COG6: variants seen among roughly 807,000 people sequenced by gnomAD.
COG6 encodes conserved oligomeric Golgi complex subunit 6.
In COG6, 74 loss-of-function variants were observed where a neutral mutation model predicts 88.8. The ratio of observed to expected loss-of-function variants is 0.83; its 90% CI spans 0.69 to 1.01. The LOEUF (loss-of-function observed/expected upper bound fraction) is 1.01. Among genes scored for constraint, COG6 ranks in the 50% least tolerant of loss-of-function variants. COG6 has a pLI of 0.00. For missense variants in COG6, 800 were observed against 797.9 expected, an observed-to-expected ratio of 1.00 and a Z score of -0.03; for synonymous variants, 286 against 278.7, an observed-to-expected ratio of 1.03 and a Z score of -0.26.
intron 13 of COG6, among the ~76,000 whole-genome samples, chr13:39,701,070 A>G (rs575986090): frequency 9.9e-5 from 15 of 152,032 alleles, no homozygotes; most frequent in Middle Eastern, 3.4e-3. Flanking sequence ...GGAAATAGGA[A>G]AATTAAAGGA....
intron 13 of COG6, among the ~76,000 whole-genome samples, chr13:39,716,819 A>G (rs1459518068): frequency 1.3e-5 from 2 of 152,208 alleles, no homozygotes; most frequent in Non-Finnish European, 1.5e-5. Flanking sequence ...AAATCTTATT[A>G]CATTGTATGC....
At chr13:39,704,207 G>A (rs371766388) in intron 13 of COG6, among the ~76,000 whole-genome samples, 130 of 152,212 alleles carry the variant, frequency 8.5e-4, no homozygotes, top group Non-Finnish European at 1.7e-3. Flanking sequence ...TAAAATGAAA[G>A]TTGCAACAAA....
chr13:39,718,108 G>A (rs545635329), intron 13 of COG6, among the ~76,000 whole-genome samples: 6 of 152,204 alleles, frequency 3.9e-5, no homozygotes, highest in African/African-American at 1.4e-4. Context: ...TTCAGAGAAT[G>A]TTTCTGTTGA....
intron 17 of COG6, 109 bp downstream of exon 17, chr13:39,724,670 T>A: frequency 1.2e-6 from 1 of 812,126 alleles, no homozygotes. Flanking sequence ...TCTCTTGACA[T>A]GCTGTATTAA....
rs1566183043 is a variant in COG6 at position 39,694,421 on chromosome 13, A to G, written c.1075-213A>G. On this transcript the variant is annotated intron_variant, in intron 11 of 18. Transcript: ENST00000455146. ...TGCCTTGAACCAAATTCTGCAAATA[A>G]TGGGTCAGATTTTTGTAGAGTATAT... 2.0e-5 allele frequency among the ~76,000 whole-genome samples: 3 copies of G among 151,890 alleles called. No homozygotes were observed. The East Asian group carries it at 5.8e-4, about 29-fold the overall frequency.
chr13:39,734,872 A>T (rs913871231), intron 18 of COG6, among the ~76,000 whole-genome samples: 1 of 151,886 alleles, frequency 6.6e-6, no homozygotes, highest in Non-Finnish European at 1.5e-5. Flanking sequence ...GTCTCTTTTT[A>T]TGTTTGCCTT....
At chr13:39,735,667 T>G (rs1879699747) in intron 18 of COG6, among the ~76,000 whole-genome samples, 1 of 152,020 alleles carries the variant, frequency 6.6e-6, no homozygotes, top group Non-Finnish European at 1.5e-5. Flanking sequence ...GAACTCTCTT[T>G]AGCATTTCTT....
Position 39,724,531 on chromosome 13 carries a change from C to G in COG6, c.1716C>G (p.Asn572Lys), listed in dbSNP as rs749009989. The change falls in exon 17 of 19, where the codon AAC (asparagine) becomes AAG (lysine). Residue 572 changes from asparagine (N) to lysine (K), a missense_variant. Physicochemically the swap from Asn to Lys is moderately conservative, Grantham distance 94. Transcript: ENST00000455146. Reference protein sequence around the residue: ...PEQGSLANMPNLDSVTLKAAM... With the variant: ...PEQGSLANMPKLDSVTLKAAM... ...AGGGCTCTTTAGCTAATATGCCCAA[C>G]CTAGATTCTGTGACACTGAAGGCTG... 2 of 1,587,782 alleles carry G rather than the reference C, an allele frequency of 1.3e-6. No individual in the cohort carries two copies. The highest frequency in any genetic ancestry group is 2.7e-5 in the African/African-American group (2 of 73,444).
chr13:39,788,319 T>C, intron 18 of COG6: 1 of 1,551,750 alleles, frequency 6.4e-7, no homozygotes, highest in Non-Finnish European at 8.7e-7. Flanking sequence ...CTTTGATTGT[T>C]GGCATTTGCT....
At chr13:39,778,588 A>T (rs1881539000) in intron 18 of COG6, among the ~76,000 whole-genome samples, 1 of 152,268 alleles carries the variant, frequency 6.6e-6, no homozygotes, top group Non-Finnish European at 1.5e-5. Flanking sequence ...TTTGCCACTT[A>T]GAAGCTGTAT....
chr13:39,783,616 C>T (rs1247191427), intron 18 of COG6, among the ~76,000 whole-genome samples: 1 of 152,100 alleles, frequency 6.6e-6, no homozygotes, highest in Non-Finnish European at 1.5e-5. Context: ...GACAATACTT[C>T]CCAGAGGCCT....
At chr13:39,784,108 A>T (rs892173013) in intron 18 of COG6, among the ~76,000 whole-genome samples, 3 of 152,170 alleles carry the variant, frequency 2.0e-5, no homozygotes, top group Non-Finnish European at 2.9e-5. Flanking sequence ...CATTTAATAC[A>T]TTAAGAAGGG....
At chr13:39,691,769 T>C (rs9548883) in intron 11 of COG6, among the ~76,000 whole-genome samples, 110,363 of 151,640 alleles carry the variant, frequency 0.73, 40,386 homozygotes, top group Admixed American at 0.82. Flanking sequence ...TAATTATTTT[T>C]TTTTGCAATT....
intron 4 of COG6, among the ~76,000 whole-genome samples, chr13:39,670,575 G>A (rs1393779632): frequency 6.6e-6 from 1 of 151,966 alleles, no homozygotes; most frequent in Non-Finnish European, 1.5e-5. Flanking sequence ...TCTATGTCAT[G>A]GGGTTTTTGA....
chr13:39,723,373 C>G lies in COG6; in HGVS notation c.1625C>G (p.Ser542Cys). Residue 542 changes from serine (S) to cysteine (C), a missense_variant, in exon 16 of 19, where the codon TCT becomes TGT. By Grantham distance (112) the Ser-to-Cys change is moderately radical. Coordinates refer to ENST00000455146, the MANE Select transcript of COG6 (RefSeq NM_020751.3). ...HLDTLINEQA[S>C]YVLTRVGLSY... is the part of the protein sequence containing the mutation. ...GACACACTTATAAATGAGCAAGCCT[C>G]TTATGTTTTAACTAGGGTAGGCTTG... 6.2e-7 allele frequency: 1 copy of G among 1,611,772 alleles called. No individual in the cohort carries two copies. Among genetic ancestry groups the G allele is most frequent in the Non-Finnish European group, 8.5e-7 (1 of 1,178,134 alleles).
Position 39,719,289 on chromosome 13 carries a change from C to T in COG6, c.1338C>T (p.Leu446=). The change falls in exon 14 of 19, where the codon CTC becomes CTT. Residue 446 remains leucine, a synonymous_variant. Transcript: ENST00000455146. ...CAAGTTCTGCACTAAATCAGACACT[C>T]ATGTTGCTGCGTGAAGTTTTAGCAT... The part of the protein sequence containing the change: ...LGPSSALNQT[L]MLLREVLASH... The T allele has an allele frequency of 1.2e-6, 2 of 1,612,836 alleles. No homozygotes were observed. The highest frequency in any genetic ancestry group is 4.5e-5 in the East Asian group (2 of 44,830).
In COG6 at chr13:39,750,184, C is replaced by T. The variant is rs1315192500; in HGVS notation, c.1827-762C>T. On this transcript the variant is annotated intron_variant, in intron 18 of 18. Transcript: ENST00000455146. ...GTTCTCATGGCCAGTACCATGAGTACCATGAGAACCATGAGTACCGTTAGT... is the reference window on the plus strand; with the variant it reads ...GTTCTCATGGCCAGTACCATGAGTATCATGAGAACCATGAGTACCGTTAGT... Among the ~76,000 whole-genome samples, 5 of 152,012 alleles carry T rather than the reference C, an allele frequency of 3.3e-5. No homozygotes were observed. The East Asian group carries it at 7.7e-4, about 23-fold the overall frequency.
chr13:39,705,709 A>G (rs1877855089), intron 13 of COG6, among the ~76,000 whole-genome samples: 1 of 152,164 alleles, frequency 6.6e-6, no homozygotes, highest in Admixed American at 6.6e-5. Context: ...ATTCTAGGAT[A>G]TGGTTACTGC....
At chr13:39,741,204 A>G (rs1183985776) in intron 18 of COG6, among the ~76,000 whole-genome samples, 1 of 152,180 alleles carries the variant, frequency 6.6e-6, no homozygotes, top group Non-Finnish European at 1.5e-5. Context: ...TCTCTTCTTC[A>G]AAGGATCACA....
Sources: allele counts gnomAD v4.1 joint callset (sites outside exome capture counted in the v4.1 genomes callset), GRCh38; gene constraint gnomAD v4.1.1; transcripts MANE v1.5; gene names NCBI Gene and HGNC (gene_info 2026-07-23, HGNC 2026-07-21).